Variants in ADIG observed in about 807,000 individuals in gnomAD.
ADIG encodes the protein adipogenesis associated.
In ADIG, 12 loss-of-function variants were observed where a neutral mutation model predicts 10.7. The ratio of observed to expected loss-of-function variants is 1.12; its 90% CI spans 0.72 to 1.82. The LOEUF (loss-of-function observed/expected upper bound fraction) is 1.82, where lower values mean the gene tolerates loss of function less well. Among genes scored for constraint, ADIG ranks in the 40% most tolerant of loss-of-function variants. The probability of loss-of-function intolerance (pLI) is 0.00; values close to 1 mark genes in which losing one functional copy is unlikely to be tolerated. For missense variants in ADIG, 72 were observed against 92.5 expected, an observed-to-expected ratio of 0.78 and a Z score of 0.91; for synonymous variants, 32 against 35.6, an observed-to-expected ratio of 0.90 and a Z score of 0.36.
intron 1 of ADIG, among the ~76,000 whole-genome samples, chr20:38,582,793 A>G (rs1015560741): frequency 6.6e-6 from 1 of 152,016 alleles, no homozygotes; most frequent in Non-Finnish European, 1.5e-5. Flanking sequence ...TCTGGAAGAT[A>G]TGAGTTCAGA....
rs1018053708 is a variant in ADIG at position 38,586,362 on chromosome 20, C to T, written c.*14+201C>T. The T allele has an allele frequency of 5.5e-6, 3 of 549,584 alleles. No individual in the cohort carries two copies. The African/African-American group carries it at 5.7e-5, about 10-fold the overall frequency. 34.0% of individuals were successfully genotyped at this position (549,584 alleles called of 1,614,324 possible). ...TGTTGCCCTGTTAAAGGGCCAGCCC[C>T]CTGTGCCACAAGGAGCCTTTACAAA... On this transcript the variant is annotated intron_variant, in intron 2 of 2. Coordinates refer to ENST00000537425, the MANE Select transcript of ADIG (RefSeq NM_001393816.1).
chr20:38,585,298 C>A, intron 1 of ADIG: 1 of 870,128 alleles, frequency 1.1e-6, no homozygotes, highest in Non-Finnish European at 1.8e-6. Flanking sequence ...TCTCACCCTA[C>A]CTCCCCAAGA....
chr20:38,585,881 C>A, intron 1 of ADIG, 148 bp from the exon 2 acceptor site: 1 of 748,596 alleles, frequency 1.3e-6, no homozygotes, highest in Non-Finnish European at 2.2e-6. Context: ...CTTCCTGAGG[C>A]CTCAAGGCTG....
Position 38,588,395 on chromosome 20 carries a change from C to T in ADIG, c.*309C>T. The T allele has an allele frequency of 7.9e-7, 1 of 1,261,108 alleles. No individual in the cohort carries two copies. Among genetic ancestry groups the T allele is most frequent in the Non-Finnish European group, 1.0e-6 (1 of 968,072 alleles). 78.1% of individuals were successfully genotyped at this position (1,261,108 alleles called of 1,614,324 possible). A position where few individuals can be genotyped will look rare whatever the true frequency, so the allele number is the denominator to read the frequency against. On this transcript the variant is annotated 3_prime_UTR_variant, in exon 3 of 3. Transcript: ENST00000537425. The stretch of plus-strand genomic sequence containing the variant: ...AGAGGGGTCTTAAAGCAGGGCTGGG[C>T]CGGAGGGTGTGGGTCCATATTAAAG...
chr20:38,581,428 G>T (rs936142518), intron 1 of ADIG, 54 bp downstream of exon 1: 7 of 1,609,924 alleles, frequency 4.3e-6, no homozygotes, highest in East Asian at 2.2e-5. Flanking sequence ...TAGGCAGGGG[G>T]CCAAATAGGC....
At chr20:38,585,409 T>C (rs754953333) in intron 1 of ADIG, 3 of 1,549,362 alleles carry the variant, frequency 1.9e-6, no homozygotes, top group Non-Finnish European at 2.6e-6. Flanking sequence ...TACATTTCTT[T>C]TTAATTTGCT....
chr20:38,582,537 C>T (rs1029032722), intron 1 of ADIG, among the ~76,000 whole-genome samples: 2 of 152,210 alleles, frequency 1.3e-5, no homozygotes, highest in Non-Finnish European at 2.9e-5. Context: ...AAGTCCCTCC[C>T]CACACCCCTG....
rs1288113513 is a variant in ADIG at position 38,588,284 on chromosome 20, C to T, written c.*198C>T. 3.3e-5 allele frequency: 43 copies of T among 1,304,248 alleles called. No individual in the cohort carries two copies. The Admixed American group carries it at 4.6e-4, about 14-fold the overall frequency. 80.8% of individuals were successfully genotyped at this position (1,304,248 alleles called of 1,614,324 possible). ...GCCCTTCTCCAGCATCACAGATGAC[C>T]TCCAGCCCTGCAGGGAGCCGCTCAA... is the stretch of plus-strand genomic sequence containing the variant. On this transcript the variant is annotated 3_prime_UTR_variant, in exon 3 of 3. Transcript: ENST00000537425.
At chr20:38,581,438 C>G (rs1428780116) in intron 1 of ADIG, 64 bp downstream of exon 1, 4 of 1,604,826 alleles carry the variant, frequency 2.5e-6, no homozygotes, top group Non-Finnish European at 3.4e-6. Flanking sequence ...GCCAAATAGG[C>G]CAGTGTGTCC....
At chr20:38,584,139 A>C (rs2088613255) in intron 1 of ADIG, among the ~76,000 whole-genome samples, 1 of 152,084 alleles carries the variant, frequency 6.6e-6, no homozygotes, top group African/African-American at 2.4e-5. Flanking sequence ...CAGAATACAG[A>C]GGGTTAAGCG....
chr20:38,584,624 C>T (rs910386595), intron 1 of ADIG, among the ~76,000 whole-genome samples: 1 of 152,228 alleles, frequency 6.6e-6, no homozygotes, highest in Non-Finnish European at 1.5e-5. Flanking sequence ...GTGATTTCAC[C>T]ATCCTCATCT....
chr20:38,586,082 G>T lies in ADIG; in HGVS notation c.178G>T (p.Gly60Cys), dbSNP rs1351763241. ...CTTGGATTGGGAGCCCTGGAGCAAA[G>T]GCCCAGCTGAGTTTTGCTGGAAGGG... ...VCLDWEPWSKGPAEFCWKGTL... is the reference protein window; with the variant it reads ...VCLDWEPWSKCPAEFCWKGTL... The change falls in exon 2 of 3, where the codon GGC (glycine) becomes TGC (cysteine). Residue 60 changes from glycine to cysteine, a missense_variant. Coordinates refer to ENST00000537425, the MANE Select transcript of ADIG (RefSeq NM_001393816.1). 2 of 1,610,964 alleles carry T rather than the reference G, an allele frequency of 1.2e-6. No homozygotes were observed. Among genetic ancestry groups the T allele is most frequent in the Non-Finnish European group, 1.7e-6 (2 of 1,178,740 alleles).
chr20:38,582,593 T>C (rs146248375), intron 1 of ADIG, among the ~76,000 whole-genome samples: 23 of 152,300 alleles, frequency 1.5e-4, no homozygotes, highest in Non-Finnish European at 2.6e-4. Flanking sequence ...TATGTAATTA[T>C]TGGGAGTTCC....
rs954405361 is a variant in ADIG at position 38,588,168 on chromosome 20, G to A, written c.*82G>A. On this transcript the variant is annotated 3_prime_UTR_variant, in exon 3 of 3. Transcript: ENST00000537425. The stretch of plus-strand genomic sequence containing the variant: ...GTGGATGGGAGAGACTTGCCAGGGA[G>A]GCAAGAGGACTTTGGCAACTGTGGT... The A allele has an allele frequency of 7.7e-7, 1 of 1,304,606 alleles. No homozygotes were observed. The highest frequency in any genetic ancestry group is 1.5e-5 in the African/African-American group (1 of 65,856). The allele number at this position is 1,304,606 out of a possible 1,614,324, so 80.8% of individuals were successfully genotyped here. A position where few individuals can be genotyped will look rare whatever the true frequency, so the allele number is the denominator to read the frequency against.
Position 38,588,445 on chromosome 20 carries a change from G to A in ADIG, c.*359G>A, listed in dbSNP as rs760574995. On this transcript the variant is annotated 3_prime_UTR_variant, in exon 3 of 3. Coordinates refer to ENST00000537425, the MANE Select transcript of ADIG (RefSeq NM_001393816.1). ...GAAGCAAGGGTCTTCCCATACCCGGGGGACCCCTGACAAACCTACCAGGCC... is the reference window on the plus strand; with the variant it reads ...GAAGCAAGGGTCTTCCCATACCCGGAGGACCCCTGACAAACCTACCAGGCC... The A allele has an allele frequency of 8.3e-7, 1 of 1,210,470 alleles. No homozygotes were observed. The highest frequency in any genetic ancestry group is 5.8e-5 in the East Asian group (1 of 17,214). The allele number at this position is 1,210,470 out of a possible 1,614,324, so 75.0% of individuals were successfully genotyped here.
chr20:38,581,397 G>A (rs1207823310), intron 1 of ADIG, 23 bp downstream of exon 1: 2 of 1,613,668 alleles, frequency 1.2e-6, no homozygotes, highest in South Asian at 2.2e-5. Context: ...CCCCGTCCAG[G>A]CAGGACCCTA....
At chr20:38,583,383 T>G (rs184293498) in intron 1 of ADIG, among the ~76,000 whole-genome samples, 67 of 152,344 alleles carry the variant, frequency 4.4e-4, no homozygotes, top group Middle Eastern at 3.4e-3. Context: ...ACCAGCTGCA[T>G]GACTGTGGAC....
intron 2 of ADIG, among the ~76,000 whole-genome samples, chr20:38,587,209 C>T (rs141532722): frequency 2.5e-4 from 38 of 152,128 alleles, no homozygotes; most frequent in African/African-American, 8.7e-4. Flanking sequence ...GCCAGCCTCT[C>T]GCCTCTCTCT....
rs1438260953 is a variant in ADIG, at chr20:38,586,149, C to T, written c.*2C>T. ...GAGAAGGAGAGGCCCTGCTGGTGAG[C>T]CTGCTGTGCCAGGTGAGGCCCTTCC... On this transcript the variant is annotated 3_prime_UTR_variant, in exon 2 of 3. Transcript: ENST00000537425. 1 of 1,584,088 alleles carries T rather than the reference C, an allele frequency of 6.3e-7. No homozygotes were observed. Among genetic ancestry groups the T allele is most frequent in the South Asian group, 1.2e-5 (1 of 86,346 alleles).
Sources: allele counts gnomAD v4.1 joint callset (sites outside exome capture counted in the v4.1 genomes callset), GRCh38; gene constraint gnomAD v4.1.1; transcripts MANE v1.5; gene names NCBI Gene and HGNC (gene_info 2026-07-23, HGNC 2026-07-21).